MCTP2: variants seen among roughly 807,000 people sequenced by gnomAD.
The protein encoded by MCTP2 is multiple C2 and transmembrane domain-containing protein 2.
MCTP2 carries 132 observed loss-of-function variants against 111.6 expected under a neutral mutation model. That is an observed-to-expected ratio of 1.18 (90% CI 1.03 to 1.37). MCTP2 has a LOEUF of 1.37. Among genes scored for constraint, MCTP2 ranks in the 40% most tolerant of loss-of-function variants. The pLI, the probability that MCTP2 is intolerant of heterozygous loss-of-function variation, is 0.00. For missense variants in MCTP2, 1,183 were observed against 1,067.9 expected (o/e 1.11, Z -1.50); for synonymous variants, 395 against 387.7 (o/e 1.02, Z -0.22).
chr15:94,437,257 G>A (rs1183640754), intron 17 of MCTP2, among the ~76,000 whole-genome samples: 1 of 149,892 alleles, frequency 6.7e-6, no homozygotes, highest in Non-Finnish European at 1.5e-5. Flanking sequence ...CAGTTGATAT[G>A]ATTTTCTACA....
chr15:94,425,743 TATG>T (rs2082857637), intron 17 of MCTP2, among the ~76,000 whole-genome samples: 1 of 152,088 alleles, frequency 6.6e-6, no homozygotes, highest in African/African-American at 2.4e-5. Context: ...AACAGGGTAT[TATG>T]ACCAATTTTA....
In MCTP2 at chr15:94,298,191, T is replaced by A. The variant is rs75426544; in HGVS notation, c.-65-10T>A. ...TTGTTTGTTTTTTGTTGTTTTTTTC[T>A]GTTTTATAGGAGTCATTGCAGTTTT... On this transcript the variant is annotated splice_polypyrimidine_tract_variant and intron_variant, in intron 1 of 22. Coordinates refer to ENST00000357742, the MANE Select transcript of MCTP2 (RefSeq NM_001385001.1). The A allele has an allele frequency of 4.5e-5, 48 of 1,064,966 alleles. No individual in the cohort carries two copies. Among genetic ancestry groups the A allele is most frequent in the Non-Finnish European group, 5.5e-5 (43 of 776,384 alleles). The allele number at this position is 1,064,966 out of a possible 1,614,324, so 66.0% of individuals were successfully genotyped here. A position where few individuals can be genotyped will look rare whatever the true frequency, so the allele number is the denominator to read the frequency against.
chr15:94,251,004 T>C (rs1293337061), intron 1 of MCTP2, among the ~76,000 whole-genome samples: 6 of 152,230 alleles, frequency 3.9e-5, no homozygotes, highest in Non-Finnish European at 7.3e-5. Flanking sequence ...GGAAGATGAT[T>C]AGATAAGAGT....
chr15:94,325,991 T>A (rs534571370), intron 4 of MCTP2, among the ~76,000 whole-genome samples: 1 of 151,886 alleles, frequency 6.6e-6, no homozygotes, highest in African/African-American at 2.4e-5. Context: ...AGCTAATTTT[T>A]GTATTTTTAG....
At position 94,339,344 on chromosome 15, in the gene MCTP2, G is replaced by A. The variant is rs148930705; in HGVS notation, c.692G>A (p.Ser231Asn). 3.1e-6 allele frequency: 5 copies of A among 1,611,862 alleles called. No homozygotes were observed. Among genetic ancestry groups the A allele is most frequent in the Non-Finnish European group, 3.4e-6 (4 of 1,178,576 alleles). The change falls in exon 5 of 23, where the codon AGT (serine) becomes AAT (asparagine). Residue 231 changes from serine to asparagine, a missense_variant. Transcript: ENST00000357742. Reference sequence around the variant, plus strand: ...CTGAATGGGAAGACGCTGTACAAAAGTAAAGTCATATATAAGAACTTGAAC... The same window carrying A: ...CTGAATGGGAAGACGCTGTACAAAAATAAAGTCATATATAAGAACTTGAAC... ...FKLNGKTLYK[S>N]KVIYKNLNPV...
intron 17 of MCTP2, among the ~76,000 whole-genome samples, chr15:94,407,348 G>A (rs1320744422): frequency 9.9e-5 from 15 of 152,150 alleles, no homozygotes; most frequent in Admixed American, 9.8e-4. Context: ...CACACCTATT[G>A]TATCAAGGGA....
chr15:94,318,053 G>A (rs765931320), intron 4 of MCTP2, among the ~76,000 whole-genome samples: 8 of 152,068 alleles, frequency 5.3e-5, no homozygotes, highest in Non-Finnish European at 1.0e-4. Context: ...TCATAAACCA[G>A]TGTAGGGGTG....
chr15:94,355,775 G>A (rs905311854), intron 8 of MCTP2, among the ~76,000 whole-genome samples: 1 of 152,216 alleles, frequency 6.6e-6, no homozygotes, highest in Non-Finnish European at 1.5e-5. Context: ...GCAATGCCTT[G>A]TTCTGGTATA....
chr15:94,438,145 T>C (rs1273284043), intron 17 of MCTP2, among the ~76,000 whole-genome samples: 1 of 152,120 alleles, frequency 6.6e-6, no homozygotes, highest in Non-Finnish European at 1.5e-5. Context: ...TTTCAGCCCA[T>C]GTTTGCATTG....
chr15:94,257,793 G>A (rs142252704), intron 1 of MCTP2, among the ~76,000 whole-genome samples: 2,188 of 151,462 alleles, frequency 0.014, 51 homozygotes, highest in African/African-American at 0.05. Flanking sequence ...TACCATGTTG[G>A]CCAGGCTGGT....
intron 1 of MCTP2, among the ~76,000 whole-genome samples, chr15:94,245,232 G>GTGTATATATATACACACA (rs1567263379): frequency 8.0e-5 from 11 of 136,774 alleles, no homozygotes; most frequent in African/African-American, 2.9e-4. Context: ...ATATACATAT[G>GTGTATATATATACACACA]TATGTATATA....
At chr15:94,444,764 C>T (rs1216170215) in intron 19 of MCTP2, among the ~76,000 whole-genome samples, 5 of 152,220 alleles carry the variant, frequency 3.3e-5, no homozygotes, top group South Asian at 2.1e-4. Flanking sequence ...TATATCATAA[C>T]ATCACATTAG....
chr15:94,246,549 A>G (rs1360038841), intron 1 of MCTP2, among the ~76,000 whole-genome samples: 1 of 152,172 alleles, frequency 6.6e-6, no homozygotes, highest in Non-Finnish European at 1.5e-5. Flanking sequence ...ATAATGTGTC[A>G]TGTTTACCTC....
chr15:94,417,734 A>C lies in MCTP2; in HGVS notation c.2085+15715A>C, dbSNP rs117039563. Among the ~76,000 whole-genome samples the C allele has an allele frequency of 6.8e-3, 1,039 of 152,222 alleles. 5 individuals carry two copies. The highest frequency in any genetic ancestry group is 0.012 in the Non-Finnish European group (787 of 67,988). On this transcript the variant is annotated intron_variant, in intron 17 of 22. Coordinates refer to ENST00000357742, the MANE Select transcript of MCTP2 (RefSeq NM_001385001.1). The stretch of plus-strand genomic sequence containing the variant: ...GATACAAGCACAATTTTGCTTTTCA[A>C]TTAAGCAAATAGGTAGTCTATCTGA...
chr15:94,360,819 C>A (rs534501415), intron 10 of MCTP2, among the ~76,000 whole-genome samples: 33 of 150,004 alleles, frequency 2.2e-4, no homozygotes, highest in Admixed American at 5.3e-4. Flanking sequence ...TCTTGGTGGT[C>A]ATTCTGTTCT....
rs1263192687 is a variant in MCTP2, at chr15:94,479,096, A to G, written c.*62A>G. ...GTGTTTGGTTGAGTAGACCAATGTT[A>G]TGGCTGTTTCAGTGGTACCCAAGGT... is the stretch of plus-strand genomic sequence containing the variant. On this transcript the variant is annotated 3_prime_UTR_variant, in exon 23 of 23. Coordinates refer to ENST00000357742, the MANE Select transcript of MCTP2 (RefSeq NM_001385001.1). 3.9e-6 allele frequency: 6 copies of G among 1,523,576 alleles called. No individual in the cohort carries two copies. Among genetic ancestry groups the G allele is most frequent in the Non-Finnish European group, 5.5e-6 (6 of 1,098,902 alleles). 94.4% of individuals were successfully genotyped at this position (1,523,576 alleles called of 1,614,324 possible).
At chr15:94,459,269 G>T (rs575722458) in intron 20 of MCTP2, among the ~76,000 whole-genome samples, 1 of 152,234 alleles carries the variant, frequency 6.6e-6, no homozygotes, top group African/African-American at 2.4e-5. Context: ...TGGGTAAACA[G>T]ATTAAAAGTG....
rs768818803 is a variant in MCTP2 at position 94,401,977 on chromosome 15, C to A, written c.2043C>A (p.Cys681Ter). Residue 681 changes from cysteine (C) to a stop codon, truncating the protein, a stop_gained, in exon 17 of 23, where the codon TGC (cysteine) becomes TGA (stop). Transcript: ENST00000357742. LOFTEE classifies it high-confidence loss of function. The stretch of plus-strand genomic sequence containing the variant: ...ATACAATGCAGTTCCTTAAAAGCTG[C>A]TTCCAGTGGGAATCCACATTAAGAA... The part of the protein sequence containing the change: ...IWNTMQFLKS[C>*]FQWESTLRST... The A allele has an allele frequency of 1.2e-6, 2 of 1,613,596 alleles. No homozygotes were observed. The highest frequency in any genetic ancestry group is 2.2e-5 in the East Asian group (1 of 44,826).
chr15:94,333,188 A>C (rs1305968462), intron 4 of MCTP2, among the ~76,000 whole-genome samples: 1 of 152,170 alleles, frequency 6.6e-6, no homozygotes, highest in Non-Finnish European at 1.5e-5. Context: ...CAGTGAGCCG[A>C]TATCATGCCA....
Sources: gnomAD v4.1 joint callset for allele counts (sites outside exome capture counted in the v4.1 genomes callset) on GRCh38, gnomAD v4.1.1 for gene constraint, MANE v1.5 for transcripts, NCBI Gene and HGNC (gene_info 2026-07-23, HGNC 2026-07-21) for gene names.